The following MED6 variants were observed in gnomAD, a reference collection of about 807,000 sequenced individuals.
The protein encoded by MED6 is mediator of RNA polymerase II transcription subunit 6.
In MED6, 33 loss-of-function variants were observed where a neutral mutation model predicts 37.5. The observed-to-expected ratio is 0.88, with a 90% CI of 0.67 to 1.18. The LOEUF is 1.18. MED6 is among the 50% of genes most tolerant of loss of function. The probability of loss-of-function intolerance (pLI) is 0.00; values close to 1 mark genes in which losing one functional copy is unlikely to be tolerated. For missense variants in MED6, 235 were observed against 290.6 expected, an observed-to-expected ratio of 0.81 and a Z score of 1.39; for synonymous variants, 94 against 93.6, an observed-to-expected ratio of 1.00 and a Z score of -0.02.
At chr14:70,598,889 G>T (rs1374519226) in intron 1 of MED6, among the ~76,000 whole-genome samples, 3 of 152,212 alleles carry the variant, frequency 2.0e-5, no homozygotes, top group Non-Finnish European at 2.9e-5. Context: ...AGATGATAAT[G>T]ATGTAAAAGC....
At chr14:70,595,626 A>G (rs1962311) in intron 3 of MED6, 264,303 of 883,092 alleles carry the variant, frequency 0.3, 47,695 homozygotes, top group African/African-American at 0.69. Context: ...CCAGGAGTAC[A>G]AGGCCCTGCT....
At chr14:70,598,368 G>T (rs553191982) in intron 1 of MED6, among the ~76,000 whole-genome samples, 2 of 152,030 alleles carry the variant, frequency 1.3e-5, no homozygotes, top group African/African-American at 4.8e-5. Context: ...CTAGCTACTC[G>T]GGAGGCTGTG....
chr14:70,599,285 T>C (rs1345406305), intron 1 of MED6, among the ~76,000 whole-genome samples: 2 of 152,132 alleles, frequency 1.3e-5, no homozygotes, highest in Non-Finnish European at 2.9e-5. Context: ...AGGAGACAGA[T>C]GAAGTGCGTT....
intron 1 of MED6, among the ~76,000 whole-genome samples, chr14:70,599,137 C>T (rs779513382): frequency 1.3e-5 from 2 of 152,126 alleles, no homozygotes; most frequent in Non-Finnish European, 2.9e-5. Flanking sequence ...ACTTCAATCT[C>T]TCTTATACTG....
chr14:70,591,496 T>C (rs1166510149), intron 5 of MED6, 115 bp from the exon 6 acceptor site: 4 of 759,264 alleles, frequency 5.3e-6, no homozygotes, highest in Non-Finnish European at 8.6e-6. Context: ...TAATGGCTGC[T>C]ATACCAAAGA....
chr14:70,592,177 G>A (rs1884891655), intron 5 of MED6, among the ~76,000 whole-genome samples: 1 of 152,182 alleles, frequency 6.6e-6, no homozygotes, highest in African/African-American at 2.4e-5. Context: ...AAAGGAAATG[G>A]AGAATACAAG....
intron 1 of MED6, among the ~76,000 whole-genome samples, 177 bp downstream of exon 1, chr14:70,600,439 G>GAA (rs5809489): frequency 1.9e-4 from 24 of 127,922 alleles, no homozygotes; most frequent in African/African-American, 4.5e-4. Context: ...CAAGAACTCA[G>GAA]AAAAAAAAAA....
chr14:70,585,810 G>C, intron 6 of MED6, 27 bp from the exon 7 acceptor site: 1 of 1,597,180 alleles, frequency 6.3e-7, no homozygotes, highest in East Asian at 2.2e-5. Flanking sequence ...AAAAGGGAGG[G>C]AGAGGAAGAG....
intron 6 of MED6, among the ~76,000 whole-genome samples, chr14:70,589,846 T>C (rs79805899): frequency 0.028 from 4,259 of 152,308 alleles, 91 homozygotes; most frequent in Non-Finnish European, 0.044. Context: ...GAACATATGT[T>C]CACTAACTCA....
intron 3 of MED6, chr14:70,595,294 C>A: frequency 3.7e-6 from 2 of 547,228 alleles, no homozygotes; most frequent in Non-Finnish European, 7.1e-6. Context: ...TCACAGGAGA[C>A]ATCCTAATAC....
chr14:70,593,664 G>A (rs1239370582), intron 3 of MED6, among the ~76,000 whole-genome samples: 2 of 152,162 alleles, frequency 1.3e-5, no homozygotes, highest in East Asian at 3.8e-4. Flanking sequence ...TTGCCCTCCA[G>A]CAGTGCTTCT....
rs547972539 is a variant in MED6 at position 70,584,565 on chromosome 14, G to A, written c.*248C>T. 11 of 363,262 alleles carry A rather than the reference G, an allele frequency of 3.0e-5. No individual in the cohort carries two copies. Among genetic ancestry groups the A allele is most frequent in the South Asian group, 2.2e-4 (5 of 22,310 alleles). The allele number at this position is 363,262 out of a possible 1,614,324, so 22.5% of individuals were successfully genotyped here. ...TAATTTTTGTATTTTTAGTAGAGAC[G>A]GGGTTTCACCATATTGGTCAGGCTG... is the stretch of plus-strand genomic sequence containing the variant. On this transcript the variant is annotated 3_prime_UTR_variant, in exon 8 of 8. Transcript: ENST00000256379.
rs1009094438 is a variant in MED6 at position 70,594,989 on chromosome 14, CT to C, written c.275-1612del. Reference sequence around the variant, plus strand: ...CTGAGGGCTCAGATCTTCTCAAGTACTGTGGACAATGCCCACATTGTTCTGC... The same window carrying C: ...CTGAGGGCTCAGATCTTCTCAAGTACGTGGACAATGCCCACATTGTTCTGC... On this transcript the variant is annotated intron_variant, in intron 3 of 7. Coordinates refer to ENST00000256379, the MANE Select transcript of MED6 (RefSeq NM_005466.4). 61 of 589,460 alleles carry C rather than the reference CT, an allele frequency of 1.0e-4. No homozygotes were observed. In the African/African-American group the frequency reaches 1.1e-3, roughly 11 times the overall value. The allele number at this position is 589,460 out of a possible 1,614,324, so 36.5% of individuals were successfully genotyped here. A position where few individuals can be genotyped will look rare whatever the true frequency, so the allele number is the denominator to read the frequency against.
In MED6 at chr14:70,600,633, G is replaced by A. The variant is rs139057948; in HGVS notation, c.5C>T (p.Ala2Val). The A allele has an allele frequency of 1.2e-6, 2 of 1,613,116 alleles. No homozygotes were observed. Among genetic ancestry groups the A allele is most frequent in the Admixed American group, 3.3e-5 (2 of 59,858 alleles). Reference sequence around the variant, plus strand: ...CAGTATACCTCGGATATCCACCGCCGCCATAATTCCGAGAGCGTTTACAGG... The same window carrying A: ...CAGTATACCTCGGATATCCACCGCCACCATAATTCCGAGAGCGTTTACAGG... The part of the protein sequence containing the change: M[A>V]AVDIRDNLLG... The change falls in exon 1 of 8, where the codon GCG (alanine) becomes GTG (valine). Residue 2 changes from alanine (A) to valine (V), a missense_variant. By Grantham distance (64) the Ala-to-Val change is moderately conservative. Coordinates refer to ENST00000256379, the MANE Select transcript of MED6 (RefSeq NM_005466.4).
intron 7 of MED6, among the ~76,000 whole-genome samples, chr14:70,585,223 T>C (rs533013136): frequency 2.0e-4 from 30 of 152,250 alleles, no homozygotes; most frequent in Middle Eastern, 3.2e-3. Flanking sequence ...AGTACCATGA[T>C]GGTTCAATAC....
chr14:70,594,874 C>A, intron 3 of MED6: 1 of 665,112 alleles, frequency 1.5e-6, no homozygotes, highest in East Asian at 3.2e-5. Flanking sequence ...GACCGAGAAC[C>A]AGAGGCTAGA....
rs964943376 is a variant in MED6 at position 70,594,813 on chromosome 14, T to C, written c.275-1435A>G. 2.7e-5 allele frequency: 17 copies of C among 626,742 alleles called. No individual in the cohort carries two copies. The African/African-American group carries it at 3.1e-4, about 11-fold the overall frequency. The allele number at this position is 626,742 out of a possible 1,614,324, so 38.8% of individuals were successfully genotyped here. A position where few individuals can be genotyped will look rare whatever the true frequency, so the allele number is the denominator to read the frequency against. On this transcript the variant is annotated intron_variant, in intron 3 of 7. Coordinates refer to ENST00000256379, the MANE Select transcript of MED6 (RefSeq NM_005466.4). ...GAGGAGACCATGCAAAGCCTGAACC[T>C]ACCCTGGTTCAATGCCTGACCTCCT... is the stretch of plus-strand genomic sequence containing the variant.
intron 1 of MED6, among the ~76,000 whole-genome samples, chr14:70,599,273 G>C (rs982581605): frequency 2.6e-5 from 4 of 151,974 alleles, no homozygotes; most frequent in African/African-American, 9.7e-5. Flanking sequence ...ATAAAATAAA[G>C]GAGGAGACAG....
chr14:70,596,565 A>T, intron 3 of MED6, 46 bp downstream of exon 3: 1 of 1,432,918 alleles, frequency 7.0e-7, no homozygotes, highest in Non-Finnish European at 9.7e-7. Flanking sequence ...TAAATAAATT[A>T]TGGTATTTTA....
Sources: gnomAD v4.1 joint callset for allele counts (sites outside exome capture counted in the v4.1 genomes callset) on GRCh38, gnomAD v4.1.1 for gene constraint, MANE v1.5 for transcripts, NCBI Gene and HGNC (gene_info 2026-07-23, HGNC 2026-07-21) for gene names.